Variants in ZNF420 observed in about 807,000 individuals in gnomAD.
The protein encoded by ZNF420 is zinc finger protein 420, also known as ATM and p53-associated KZNF protein.
In ZNF420, 31 loss-of-function variants were observed where a neutral mutation model predicts 44.7. The ratio of observed to expected loss-of-function variants is 0.69; its 90% confidence interval spans 0.52 to 0.94. The LOEUF is 0.94. ZNF420 is among the 40% of genes least tolerant of loss of function. The pLI is 0.00. For synonymous variants in ZNF420, 245 were observed against 267.4 expected (o/e 0.92, Z 0.82); for missense variants, 681 against 827.9 (o/e 0.82, Z 2.18).
At position 37,091,035 on chromosome 19, in the gene ZNF420, A is replaced by G. The variant is rs908542554; in HGVS notation, c.50A>G (p.Gln17Arg). The G allele has an allele frequency of 3.7e-6, 6 of 1,613,578 alleles. No homozygotes were observed. Among genetic ancestry groups the G allele is most frequent in the Admixed American group, 3.3e-5 (2 of 59,958 alleles). ...MFRDVAIDFS[Q>R]EEWECLDSAQ... ...AGGGATGTTGCCATTGACTTCTCTC[A>G]GGAAGAGTGGGAATGCCTGGACTCT... Residue 17 changes from glutamine to arginine, a missense_variant, in exon 4 of 5, where the codon CAG becomes CGG. Gln to Arg is a conservative substitution (Grantham distance 43). Around this residue, in one of 3 missense-constraint regions of ZNF420, gnomAD observed 350 missense variants for 382.5 expected, o/e 0.92. Transcript: ENST00000337995.
chr19:37,096,524 A>G (rs1969464197), intron 4 of ZNF420, among the ~76,000 whole-genome samples: 1 of 152,158 alleles, frequency 6.6e-6, no homozygotes, highest in African/African-American at 2.4e-5. Flanking sequence ...TTTTGTAAAG[A>G]GGTTTGTTTG....
At chr19:37,025,125 C>A in intron 1 of ZNF420, 1 of 351,880 alleles carries the variant, frequency 2.8e-6, no homozygotes, top group South Asian at 6.8e-5. Context: ...TGTCACATTC[C>A]AAACATTTAT....
intron 2 of ZNF420, among the ~76,000 whole-genome samples, chr19:37,086,624 T>C (rs991738994): frequency 6.6e-6 from 1 of 152,202 alleles, no homozygotes; most frequent in African/African-American, 2.4e-5. Flanking sequence ...TTTCTTCCTT[T>C]AGTACTGTCA....
intron 1 of ZNF420, among the ~76,000 whole-genome samples, chr19:37,011,167 A>G (rs973283571): frequency 2.0e-5 from 3 of 152,172 alleles, no homozygotes; most frequent in Non-Finnish European, 4.4e-5. Context: ...AATGTCTTCA[A>G]CAAAGATCAC....
intron 1 of ZNF420, among the ~76,000 whole-genome samples, chr19:37,045,266 A>G (rs779638249): frequency 4.6e-5 from 7 of 152,232 alleles, no homozygotes; most frequent in Non-Finnish European, 1.0e-4. Flanking sequence ...GATGTTAACA[A>G]TATACTATTT....
At position 37,103,991 on chromosome 19, in the gene ZNF420, T is replaced by A. The variant is rs570008805; in HGVS notation, c.136+12870T>A. Among the ~76,000 whole-genome samples the A allele has an allele frequency of 7.2e-5, 11 of 151,882 alleles. No homozygotes were observed. The South Asian group carries it at 1.7e-3, about 23-fold the overall frequency. ...CATTTTTTTTTTGTCTTTTTTTTTT[T>A]TTATTATACTTTAAGTTCTAGGGTA... On this transcript the variant is annotated intron_variant, in intron 4 of 4. Coordinates refer to ENST00000337995, the MANE Select transcript of ZNF420 (RefSeq NM_144689.5).
chr19:37,059,905 C>T (rs1967841714), intron 1 of ZNF420, among the ~76,000 whole-genome samples: 2 of 151,986 alleles, frequency 1.3e-5, no homozygotes, highest in South Asian at 4.2e-4. Flanking sequence ...TTCTCTCTCT[C>T]CCTCTGTCTG....
At chr19:37,012,473 A>T (rs374244275) in intron 1 of ZNF420, among the ~76,000 whole-genome samples, 2 of 152,280 alleles carry the variant, frequency 1.3e-5, no homozygotes, top group South Asian at 4.2e-4. Flanking sequence ...TGACCTCTCC[A>T]GGGTGTCAAC....
chr19:37,025,292 TA>T, intron 1 of ZNF420: 1 of 245,382 alleles, frequency 4.1e-6, no homozygotes. Flanking sequence ...TTGTTTTCTG[TA>T]ACATCTGAGG....
rs1568445695 is a variant in ZNF420, at chr19:37,085,940, TTATTA to T, written c.-80-3097_-80-3093del. Among the ~76,000 whole-genome samples, 56 of 21,066 alleles carry T rather than the reference TTATTA, an allele frequency of 2.7e-3. 1 individual carries two copies. The highest frequency in any genetic ancestry group is 4.6e-3 in the African/African-American group (32 of 6,968). 13.8% of individuals were successfully genotyped at this position (21,066 alleles called of 152,430 possible). On this transcript the variant is annotated intron_variant, in intron 2 of 4. Coordinates refer to ENST00000337995, the MANE Select transcript of ZNF420 (RefSeq NM_144689.5). ...ATCACAATGCCTGGCTGATGTTTTA[TTATTA>T]TTATTATTATTATTATTATTATTAT...
chr19:37,030,763 T>C (rs949221407), intron 1 of ZNF420, among the ~76,000 whole-genome samples: 6 of 152,236 alleles, frequency 3.9e-5, no homozygotes, highest in Non-Finnish European at 5.9e-5. Flanking sequence ...CACAGAAATG[T>C]CACTCTAAAT....
upstream of ZNF420, among the ~76,000 whole-genome samples, chr19:37,076,924 G>T (rs905791214): frequency 6.6e-6 from 1 of 152,112 alleles, no homozygotes; most frequent in Non-Finnish European, 1.5e-5. Flanking sequence ...ACATAGCTAT[G>T]CCTGATCACA....
At chr19:37,039,430 T>TA (rs1221375429) in intron 1 of ZNF420, among the ~76,000 whole-genome samples, 1 of 152,206 alleles carries the variant, frequency 6.6e-6, no homozygotes, top group East Asian at 1.9e-4. Flanking sequence ...ACATCTCCGT[T>TA]AGAGCTCTTG....
chr19:37,092,209 T>A (rs1969190187), intron 4 of ZNF420: 1 of 152,160 alleles, frequency 6.6e-6, no homozygotes. Context: ...GATTAACACA[T>A]GTCCCTAGAG....
chr19:37,029,533 CTTTTTCTTT>C (rs1194451169), intron 1 of ZNF420, among the ~76,000 whole-genome samples: 3 of 150,898 alleles, frequency 2.0e-5, no homozygotes, highest in Non-Finnish European at 4.4e-5. Context: ...TTTTCTTTTT[CTTTTTCTTT>C]TTTTTCTTTT....
rs545964943 is a variant in ZNF420, at chr19:37,059,794, TTCTC to T, written c.-124-20536_-124-20533del. On this transcript the variant is annotated intron_variant, in intron 1 of 4. Transcript: ENST00000587029. ...ATGCCACTGCTCTGTCTCTGTCTCT[TTCTC>T]TCTCTCTCTCTCTCACTCTATCTCT... Among the ~76,000 whole-genome samples the T allele has an allele frequency of 3.0e-3, 454 of 149,534 alleles. 3 individuals carry two copies. Among genetic ancestry groups the T allele is most frequent in the Admixed American group, 6.3e-3 (95 of 15,058 alleles).
Position 37,130,001 on chromosome 19 carries a change from T to C in ZNF420, c.*943T>C. ...TTTCCTACCCTATATCTATTTTCTC[T>C]TTTTTAGTAACAAATTTCTGGGCTG... On this transcript the variant is annotated 3_prime_UTR_variant, in exon 5 of 5. Coordinates refer to ENST00000337995, the MANE Select transcript of ZNF420 (RefSeq NM_144689.5). The C allele has an allele frequency of 6.6e-7, 1 of 1,512,100 alleles. No homozygotes were observed. The highest frequency in any genetic ancestry group is 8.9e-7 in the Non-Finnish European group (1 of 1,128,886). The allele number at this position is 1,512,100 out of a possible 1,614,324, so 93.7% of individuals were successfully genotyped here. A position where few individuals can be genotyped will look rare whatever the true frequency, so the allele number is the denominator to read the frequency against.
chr19:37,011,516 TG>T (rs1438647192), intron 1 of ZNF420, among the ~76,000 whole-genome samples: 1 of 152,186 alleles, frequency 6.6e-6, no homozygotes, highest in Non-Finnish European at 1.5e-5. Flanking sequence ...GCTGGGTGCA[TG>T]GGAGGTTGTG....
At chr19:37,085,752 CTCTTT>C (rs1485505493) in intron 2 of ZNF420, among the ~76,000 whole-genome samples, 3 of 151,314 alleles carry the variant, frequency 2.0e-5, no homozygotes, top group African/African-American at 4.9e-5. Flanking sequence ...TTTCTTTCTT[CTCTTT>C]TCTTTTTTTT....
Sources: gnomAD v4.1 joint callset for allele counts (sites outside exome capture counted in the v4.1 genomes callset) on GRCh38, gnomAD v4.1.1 for gene constraint, gnomAD v4.1.1 regional missense constraint, MANE v1.5 for transcripts, NCBI Gene and HGNC (gene_info 2026-07-23, HGNC 2026-07-21) for gene names.